Variants in LRMDA observed in about 807,000 individuals in gnomAD.
The protein encoded by LRMDA is leucine rich melanocyte differentiation associated, also known as leucine-rich melanocyte differentiation-associated protein.
In LRMDA, 18 loss-of-function variants were observed where a neutral mutation model predicts 29.8. That is an observed-to-expected ratio of 0.60 (90% CI 0.42 to 0.90). The LOEUF (loss-of-function observed/expected upper bound fraction) is 0.90. Among genes scored for constraint, LRMDA ranks in the 40% least tolerant of loss-of-function variants. The pLI, the probability that LRMDA is intolerant of heterozygous loss-of-function variation, is 0.00. For synonymous variants in LRMDA, 125 were observed against 109.4 expected (o/e 1.14, Z -0.89); for missense variants, 273 against 273.9 (o/e 1.00, Z 0.02).
At chr10:75,775,697 A>G (rs1843302542) in intron 2 of LRMDA, among the ~76,000 whole-genome samples, 1 of 152,178 alleles carries the variant, frequency 6.6e-6, no homozygotes, top group Non-Finnish European at 1.5e-5. Context: ...AGCTACTCCA[A>G]AGGAATCTCT....
At chr10:76,213,563 C>T (rs1187617462) in intron 5 of LRMDA, among the ~76,000 whole-genome samples, 2 of 152,284 alleles carry the variant, frequency 1.3e-5, no homozygotes, top group African/African-American at 4.8e-5. Flanking sequence ...GGCTTTGAAA[C>T]ATTGTTTCTT....
chr10:75,689,623 G>A (rs897286506), intron 2 of LRMDA, among the ~76,000 whole-genome samples: 1 of 152,192 alleles, frequency 6.6e-6, no homozygotes, highest in Non-Finnish European at 1.5e-5. Flanking sequence ...GAGCATGTGT[G>A]TGCAGACCTG....
intron 2 of LRMDA, among the ~76,000 whole-genome samples, chr10:75,497,458 G>C (rs541097161): frequency 6.6e-6 from 1 of 151,494 alleles, no homozygotes; most frequent in Non-Finnish European, 1.5e-5. Context: ...TCTAGAGTTC[G>C]ATATTTTTTT....
rs563723809 is a variant in LRMDA, at chr10:75,809,197, C to G, written c.132-226811C>G. ...TCGGGGAGGATCAGCCACCTTGCTG[C>G]CAGGTGGCCTCTGCATCTCACCTGT... On this transcript the variant is annotated intron_variant, in intron 2 of 6. Transcript: ENST00000611255. Among the ~76,000 whole-genome samples, 393 of 152,302 alleles carry G rather than the reference C, an allele frequency of 2.6e-3. 1 individual carries two copies. The highest frequency in any genetic ancestry group is 0.01 in the Middle Eastern group (3 of 294).
At chr10:76,418,654 T>G (rs554555448) in intron 6 of LRMDA, among the ~76,000 whole-genome samples, 2 of 152,004 alleles carry the variant, frequency 1.3e-5, no homozygotes, top group African/African-American at 4.8e-5. Context: ...TAGTACAATA[T>G]TGAACATAAA....
intron 2 of LRMDA, among the ~76,000 whole-genome samples, chr10:75,953,081 AATTTTTT>A (rs1437178758): frequency 1.3e-5 from 2 of 151,926 alleles, no homozygotes; most frequent in African/African-American, 4.8e-5. Flanking sequence ...AAAATTATTT[AATTTTTT>A]AAGAGACAGG....
intron 2 of LRMDA, among the ~76,000 whole-genome samples, chr10:76,009,495 C>T (rs920167706): frequency 6.6e-6 from 1 of 152,206 alleles, no homozygotes; most frequent in Non-Finnish European, 1.5e-5. Flanking sequence ...TGGCTCTCTC[C>T]TTGCCTGCAT....
intron 2 of LRMDA, among the ~76,000 whole-genome samples, chr10:75,610,481 C>G (rs558025479): frequency 1.2e-3 from 178 of 152,082 alleles, no homozygotes; most frequent in Non-Finnish European, 2.2e-3. Context: ...ATACCACACC[C>G]CCACATACAC....
intron 2 of LRMDA, among the ~76,000 whole-genome samples, chr10:75,641,013 C>T (rs1194292428): frequency 2.6e-5 from 4 of 152,172 alleles, no homozygotes; most frequent in Admixed American, 2.0e-4. Flanking sequence ...CAGTAGAATA[C>T]ACCACTGTTA....
At chr10:76,412,049 A>G (rs983809657) in intron 6 of LRMDA, among the ~76,000 whole-genome samples, 1 of 152,248 alleles carries the variant, frequency 6.6e-6, no homozygotes, top group African/African-American at 2.4e-5. Flanking sequence ...GGTTTTGATG[A>G]GACCAAATTA....
chr10:75,508,002 A>C (rs1338557828), intron 2 of LRMDA, among the ~76,000 whole-genome samples: 1 of 152,238 alleles, frequency 6.6e-6, no homozygotes, highest in African/African-American at 2.4e-5. Flanking sequence ...CCAAAGTGAC[A>C]CATGCAGAAG....
At chr10:75,519,254 T>G (rs1845328947) in intron 2 of LRMDA, among the ~76,000 whole-genome samples, 1 of 152,226 alleles carries the variant, frequency 6.6e-6, no homozygotes, top group Non-Finnish European at 1.5e-5. Flanking sequence ...GTCCTGGATA[T>G]CCCTGTTAAT....
chr10:76,054,687 G>A (rs576536897), intron 4 of LRMDA, among the ~76,000 whole-genome samples: 4 of 151,518 alleles, frequency 2.6e-5, no homozygotes, highest in African/African-American at 7.3e-5. Flanking sequence ...GTCTGTACAT[G>A]TCTTTATTTG....
chr10:76,115,140 T>A (rs114206110), intron 5 of LRMDA, among the ~76,000 whole-genome samples: 1 of 152,204 alleles, frequency 6.6e-6, no homozygotes, highest in African/African-American at 2.4e-5. Context: ...TCCAGGCAAT[T>A]TGGCCACAAG....
intron 2 of LRMDA, among the ~76,000 whole-genome samples, chr10:75,577,208 G>A (rs1840517386): frequency 6.6e-6 from 1 of 152,146 alleles, no homozygotes; most frequent in African/African-American, 2.4e-5. Context: ...ACCTGATGGA[G>A]CTGAAAAACA....
chr10:75,660,590 C>G (rs1263180831), intron 2 of LRMDA, among the ~76,000 whole-genome samples: 1 of 152,060 alleles, frequency 6.6e-6, no homozygotes, highest in Non-Finnish European at 1.5e-5. Context: ...CAGCGAGAAA[C>G]AAAGATGAGT....
chr10:75,745,421 ACTTAGTCATT>A lies in LRMDA; in HGVS notation c.132-290584_132-290575del, dbSNP rs566532120. Among the ~76,000 whole-genome samples the A allele has an allele frequency of 1.3e-3, 193 of 152,308 alleles. 1 individual carries two copies. In the South Asian group the frequency reaches 0.015, roughly 12 times the overall value. On this transcript the variant is annotated intron_variant, in intron 2 of 6. Coordinates refer to ENST00000611255, the MANE Select transcript of LRMDA (RefSeq NM_001305581.2). ...CTCATGCTGTACTTTAGACCTCTAG[ACTTAGTCATT>A]CTACATTACAGCAACTTTGTGCCCT...
rs77283289 is a variant in LRMDA, at chr10:75,983,411, G to A, written c.132-52597G>A. 5.7e-3 allele frequency among the ~76,000 whole-genome samples: 867 copies of A among 152,252 alleles called. 41 individuals carry two copies. In the East Asian group the frequency reaches 0.13, roughly 23 times the overall value. On this transcript the variant is annotated intron_variant, in intron 2 of 6. Coordinates refer to ENST00000611255, the MANE Select transcript of LRMDA (RefSeq NM_001305581.2). ...TTACTTTGAAGTGGCTGAGTGTGGC[G>A]GGGGTTCTGTGAGGGAGAGGTGATT...
intron 2 of LRMDA, among the ~76,000 whole-genome samples, chr10:75,631,975 G>A (rs1841329503): frequency 6.6e-6 from 1 of 152,054 alleles, no homozygotes; most frequent in African/African-American, 2.4e-5. Context: ...AATCAGTGTT[G>A]GATGCCATAA....
Sources: gnomAD v4.1 joint callset for allele counts (sites outside exome capture counted in the v4.1 genomes callset) on GRCh38, gnomAD v4.1.1 for gene constraint, MANE v1.5 for transcripts, NCBI Gene and HGNC (gene_info 2026-07-23, HGNC 2026-07-21) for gene names.